Variants in EPSTI1 observed in about 807,000 individuals in gnomAD.
The protein encoded by EPSTI1 is epithelial stromal interaction 1.
In EPSTI1, 66 loss-of-function variants were observed where a neutral mutation model predicts 49.9. That is an observed-to-expected ratio of 1.32 (90% CI 1.08 to 1.62). EPSTI1 has a LOEUF of 1.62. EPSTI1 is among the 40% of genes most tolerant of loss of function. EPSTI1 has a pLI of 0.00. For synonymous variants in EPSTI1, 137 were observed against 130.7 expected (o/e 1.05, Z -0.33); for missense variants, 394 against 365.5 (o/e 1.08, Z -0.64).
chr13:42,951,023 G>A (rs1447661815), intron 6 of EPSTI1, among the ~76,000 whole-genome samples: 1 of 152,080 alleles, frequency 6.6e-6, no homozygotes, highest in African/African-American at 2.4e-5. Context: ...TGGGTGTGGT[G>A]GCATTCACCT....
intron 6 of EPSTI1, among the ~76,000 whole-genome samples, chr13:42,941,580 A>G (rs953507871): frequency 6.6e-6 from 1 of 151,044 alleles, no homozygotes; most frequent in African/African-American, 2.4e-5. Flanking sequence ...TGGTCATGCC[A>G]CTGTACTCTA....
intron 8 of EPSTI1, among the ~76,000 whole-genome samples, chr13:42,914,903 G>A (rs1316798398): frequency 6.6e-6 from 1 of 152,186 alleles, no homozygotes; most frequent in African/African-American, 2.4e-5. Context: ...TCTAGAAGAA[G>A]GAAGTGAATC....
At chr13:42,925,941 T>C (rs2038157527) in intron 7 of EPSTI1, among the ~76,000 whole-genome samples, 2 of 149,102 alleles carry the variant, frequency 1.3e-5, no homozygotes, top group African/African-American at 2.5e-5. Context: ...CTAAGGTTCA[T>C]TGGGCAGAAA....
rs2038020400 is a variant in EPSTI1, at chr13:42,922,151, A to G, written c.657+4185T>C. Among the ~76,000 whole-genome samples, 1 of 152,230 alleles carries G rather than the reference A, an allele frequency of 6.6e-6. No individual in the cohort carries two copies. Among genetic ancestry groups the G allele is most frequent in the South Asian group, 2.1e-4 (1 of 4,834 alleles). On this transcript the variant is annotated intron_variant, in intron 7 of 10. Coordinates refer to ENST00000313624, the MANE Select transcript of EPSTI1 (RefSeq NM_033255.5). The surrounding 1 kb of genome is among the most constrained non-coding windows in gnomAD (Gnocchi z 4.8). ...GAATGAGAGGAAGAAATGAGTTAAT[A>G]AGGTCTAAAATTGATTAGTCAAGAG...
chr13:42,903,163 CAAAA>C (rs1224983332), intron 8 of EPSTI1, among the ~76,000 whole-genome samples: 1 of 151,288 alleles, frequency 6.6e-6, no homozygotes. Context: ...GACACAAAGA[CAAAA>C]AAAGTATAAA....
At chr13:42,918,665 C>T (rs1169684825) in intron 7 of EPSTI1, among the ~76,000 whole-genome samples, 1 of 152,206 alleles carries the variant, frequency 6.6e-6, no homozygotes, top group African/African-American at 2.4e-5. Context: ...AAAATGGTAT[C>T]ATCTATGGCA....
chr13:42,905,943 G>A (rs1410913272), intron 8 of EPSTI1, among the ~76,000 whole-genome samples: 2 of 152,362 alleles, frequency 1.3e-5, no homozygotes, highest in Non-Finnish European at 2.9e-5. Flanking sequence ...ATACAGAGCT[G>A]CATACAAACG....
At chr13:42,978,120 T>G (rs1431553970) in intron 1 of EPSTI1, among the ~76,000 whole-genome samples, 5 of 151,266 alleles carry the variant, frequency 3.3e-5, no homozygotes, top group African/African-American at 9.7e-5. Context: ...GCCACTGCAC[T>G]CCAGCCTGGG....
chr13:42,988,194 T>C (rs1331701465), intron 1 of EPSTI1, among the ~76,000 whole-genome samples: 1 of 152,208 alleles, frequency 6.6e-6, no homozygotes, highest in Non-Finnish European at 1.5e-5. Flanking sequence ...TAAATGCATG[T>C]CTTTGTCTTA....
At position 42,888,505 on chromosome 13, in the gene EPSTI1, G is replaced by C; in HGVS notation, c.916-3C>G. ...GAGTCAATATTTTCTCATATACCCT[G>C]GAAGAAAAAGAAAACAAAAATTACT... On this transcript the variant is annotated splice_region_variant and splice_polypyrimidine_tract_variant and intron_variant, in intron 10 of 10. Coordinates refer to ENST00000313624, the MANE Select transcript of EPSTI1 (RefSeq NM_033255.5). 1 of 1,580,552 alleles carries C rather than the reference G, an allele frequency of 6.3e-7. No homozygotes were observed. The highest frequency in any genetic ancestry group is 8.6e-7 in the Non-Finnish European group (1 of 1,165,444).
intron 6 of EPSTI1, among the ~76,000 whole-genome samples, chr13:42,935,301 G>A (rs935587940): frequency 6.6e-6 from 1 of 152,174 alleles, no homozygotes; most frequent in Admixed American, 6.5e-5. Flanking sequence ...AGAGCCCATA[G>A]TCCATTTTTT....
chr13:42,913,845 G>C (rs1185427506), intron 8 of EPSTI1, among the ~76,000 whole-genome samples: 1 of 152,216 alleles, frequency 6.6e-6, no homozygotes, highest in Non-Finnish European at 1.5e-5. Flanking sequence ...TTGGGGAAGG[G>C]ACATGATGCA....
chr13:42,927,507 T>A (rs943468598), intron 6 of EPSTI1, among the ~76,000 whole-genome samples: 1 of 152,184 alleles, frequency 6.6e-6, no homozygotes, highest in African/African-American at 2.4e-5. Context: ...AAGATCTGAT[T>A]CATCAAGTAC....
chr13:42,953,609 G>A (rs763624266), intron 6 of EPSTI1, among the ~76,000 whole-genome samples: 1 of 152,186 alleles, frequency 6.6e-6, no homozygotes, highest in Non-Finnish European at 1.5e-5. Context: ...CAGTTTAGAC[G>A]CTGCTTAGGC....
In EPSTI1 at chr13:42,939,174, G is replaced by A. The variant is rs115902833; in HGVS notation, c.564-12745C>T. Among the ~76,000 whole-genome samples, 590 of 152,258 alleles carry A rather than the reference G, an allele frequency of 3.9e-3. 1 individual carries two copies. Among genetic ancestry groups the A allele is most frequent in the African/African-American group, 0.013 (553 of 41,536 alleles). On this transcript the variant is annotated intron_variant, in intron 6 of 10. Coordinates refer to ENST00000313624, the MANE Select transcript of EPSTI1 (RefSeq NM_033255.5). ...GGGCCTTGCTCTAGCTTAGGCTTTGGCTTAAGGGAATGTTTTGGCTGGTCT... is the reference window on the plus strand; with the variant it reads ...GGGCCTTGCTCTAGCTTAGGCTTTGACTTAAGGGAATGTTTTGGCTGGTCT...
Position 42,992,176 on chromosome 13 carries a change from C to A in EPSTI1, c.-11G>T. 6.5e-7 allele frequency: 1 copy of A among 1,536,688 alleles called. No homozygotes were observed. The highest frequency in any genetic ancestry group is 8.7e-7 in the Non-Finnish European group (1 of 1,143,796). ...ATTGCGGGTGTTCATGGTTCACAGCCCGCGGGTCCCGGGCCGCCGTCGCTG... is the reference window on the plus strand; with the variant it reads ...ATTGCGGGTGTTCATGGTTCACAGCACGCGGGTCCCGGGCCGCCGTCGCTG... On this transcript the variant is annotated 5_prime_UTR_variant, in exon 1 of 11. Transcript: ENST00000313624.
chr13:42,955,880 G>GGA lies in EPSTI1; in HGVS notation c.490-1860_490-1859insTC, dbSNP rs937357808. 4.4e-5 allele frequency among the ~76,000 whole-genome samples: 6 copies of GGA among 135,908 alleles called. 1 individual carries two copies. The highest frequency in any genetic ancestry group is 9.7e-5 in the Non-Finnish European group (6 of 61,734). The allele number at this position is 135,908 out of a possible 152,430, so 89.2% of individuals were successfully genotyped here. ...TGATAGTTGATGAAGAAGTATTTGG[G>GGA]GGGGGGGGGAAGTAGTAGTAGTAGT... On this transcript the variant is annotated intron_variant, in intron 5 of 10. Transcript: ENST00000313624.
At chr13:42,889,409 A>G (rs1204529129) in intron 10 of EPSTI1, among the ~76,000 whole-genome samples, 1 of 152,176 alleles carries the variant, frequency 6.6e-6, no homozygotes, top group African/African-American at 2.4e-5. Context: ...TTAAGTGTCT[A>G]TATGACATTT....
rs145323213 is a variant in EPSTI1, at chr13:42,971,984, T to C, written c.189-1314A>G. Among the ~76,000 whole-genome samples the C allele has an allele frequency of 8.9e-3, 1,350 of 152,330 alleles. 18 individuals are homozygous for C. The highest frequency in any genetic ancestry group is 0.031 in the African/African-American group (1,269 of 41,570). On this transcript the variant is annotated intron_variant, in intron 1 of 10. Coordinates refer to ENST00000313624, the MANE Select transcript of EPSTI1 (RefSeq NM_033255.5). ...TAATCCCTTGTCCATTGCACATTCT[T>C]TGTACACCCTAAGAAACATTTTTCA...
Sources: allele counts gnomAD v4.1 joint callset (sites outside exome capture counted in the v4.1 genomes callset), GRCh38; gene constraint gnomAD v4.1.1; non-coding constraint Gnocchi (gnomAD v3.1); transcripts MANE v1.5; gene names NCBI Gene and HGNC (gene_info 2026-07-23, HGNC 2026-07-21).